ADARB2: variants seen among roughly 807,000 people sequenced by gnomAD.
ADARB2 encodes adenosine deaminase RNA specific B2 (inactive).
In ADARB2, 25 loss-of-function variants were observed where a neutral mutation model predicts 62.2. The observed-to-expected ratio is 0.40, with a 90% CI of 0.29 to 0.56. ADARB2 has a LOEUF of 0.56. Among genes scored for constraint, ADARB2 ranks in the 20% least tolerant of loss-of-function variants. The pLI, the probability that ADARB2 is intolerant of heterozygous loss-of-function variation, is 0.43. For synonymous variants in ADARB2, 572 were observed against 500.8 expected, an observed-to-expected ratio of 1.14 and a Z score of -1.90; for missense variants, 1,071 against 1,077.4, an observed-to-expected ratio of 0.99 and a Z score of 0.08.
chr10:1,503,091 G>C (rs1831785467), intron 1 of ADARB2, among the ~76,000 whole-genome samples: 1 of 152,196 alleles, frequency 6.6e-6, no homozygotes, highest in African/African-American at 2.4e-5. Flanking sequence ...AAAGAATACA[G>C]CAGCTATCTC....
chr10:1,191,988 G>A (rs1048827745), intron 8 of ADARB2, among the ~76,000 whole-genome samples: 9 of 152,104 alleles, frequency 5.9e-5, no homozygotes, highest in Non-Finnish European at 1.3e-4. Flanking sequence ...CCATTACTAG[G>A]ACCGGTGGGG....
At chr10:1,370,635 T>A (rs1205775364) in intron 2 of ADARB2, among the ~76,000 whole-genome samples, 1 of 152,198 alleles carries the variant, frequency 6.6e-6, no homozygotes, top group Non-Finnish European at 1.5e-5. Flanking sequence ...GTATAAAAAT[T>A]AGTAGCATTT....
chr10:1,247,350 A>G (rs940947346), intron 4 of ADARB2, among the ~76,000 whole-genome samples: 6 of 152,222 alleles, frequency 3.9e-5, no homozygotes, highest in Non-Finnish European at 7.3e-5. Flanking sequence ...GCCCTGGCCA[A>G]AACTTCCAAC....
chr10:1,345,050 G>A (rs1832066049), intron 3 of ADARB2, among the ~76,000 whole-genome samples: 1 of 152,092 alleles, frequency 6.6e-6, no homozygotes, highest in Non-Finnish European at 1.5e-5. Context: ...GCCGCAGCCT[G>A]GCAGGTGAGC....
Position 1,615,062 on chromosome 10 carries a change from A to G in ADARB2, c.100+121989T>C, listed in dbSNP as rs1363357014. 3.3e-5 allele frequency among the ~76,000 whole-genome samples: 5 copies of G among 152,262 alleles called. No homozygotes were observed. The East Asian group carries it at 9.6e-4, about 29-fold the overall frequency. ...TGAGAAGTGTATGTGTTGGATTGGT[A>G]AAAAACAGCAAACAAAGTTACTTCT... On this transcript the variant is annotated intron_variant, in intron 1 of 9. Transcript: ENST00000381312.
chr10:1,407,750 C>T (rs986896938), intron 1 of ADARB2, among the ~76,000 whole-genome samples: 9 of 152,150 alleles, frequency 5.9e-5, no homozygotes, highest in Non-Finnish European at 1.5e-5. Flanking sequence ...GTGCCCTCCC[C>T]CACCTCCAGG....
intron 1 of ADARB2, among the ~76,000 whole-genome samples, chr10:1,508,036 C>A (rs778843871): frequency 6.6e-5 from 10 of 152,204 alleles, no homozygotes; most frequent in African/African-American, 4.8e-5. Flanking sequence ...CCTCACCTTT[C>A]TAAATCTCAC....
chr10:1,385,143 A>G (rs780656546), intron 1 of ADARB2, among the ~76,000 whole-genome samples: 4 of 152,222 alleles, frequency 2.6e-5, no homozygotes, highest in Non-Finnish European at 5.9e-5. Context: ...CTTGGTCAGT[A>G]ATAATCTACC....
At chr10:1,511,254 C>T (rs1831933052) in intron 1 of ADARB2, among the ~76,000 whole-genome samples, 1 of 152,176 alleles carries the variant, frequency 6.6e-6, no homozygotes, top group South Asian at 2.1e-4. Context: ...GTGCTATGTT[C>T]AACGGATAGA....
chr10:1,396,619 C>T (rs1832616587), intron 1 of ADARB2, among the ~76,000 whole-genome samples: 2 of 151,264 alleles, frequency 1.3e-5, no homozygotes, highest in African/African-American at 4.9e-5. Context: ...TCCTCCTCTC[C>T]CCTCCCGAGT....
intron 3 of ADARB2, among the ~76,000 whole-genome samples, chr10:1,331,528 T>C (rs1831927623): frequency 6.6e-6 from 1 of 152,190 alleles, no homozygotes; most frequent in African/African-American, 2.4e-5. Context: ...TTACCTGAAA[T>C]GTCCAGAATA....
At chr10:1,594,363 G>A (rs1004653425) in intron 1 of ADARB2, among the ~76,000 whole-genome samples, 2 of 152,132 alleles carry the variant, frequency 1.3e-5, no homozygotes, top group Admixed American at 6.5e-5. Flanking sequence ...CTCCCGGGGC[G>A]AGGTAGCATG....
At chr10:1,546,621 G>C (rs886256578) in intron 1 of ADARB2, among the ~76,000 whole-genome samples, 1 of 152,252 alleles carries the variant, frequency 6.6e-6, no homozygotes, top group Non-Finnish European at 1.5e-5. Context: ...GTGCCACCCT[G>C]TACCAGGCAT....
At chr10:1,499,139 T>A (rs1422147747) in intron 1 of ADARB2, among the ~76,000 whole-genome samples, 2 of 151,996 alleles carry the variant, frequency 1.3e-5, no homozygotes, top group Admixed American at 1.3e-4. Context: ...CACTCATCAC[T>A]CACTCATTAC....
intron 1 of ADARB2, among the ~76,000 whole-genome samples, chr10:1,720,951 A>G (rs1454369429): frequency 6.6e-6 from 1 of 152,220 alleles, no homozygotes; most frequent in East Asian, 1.9e-4. Context: ...TCCCTGCACA[A>G]AGCCGCTTTG....
intron 1 of ADARB2, among the ~76,000 whole-genome samples, chr10:1,689,702 C>G (rs1834644587): frequency 6.6e-6 from 1 of 152,178 alleles, no homozygotes; most frequent in African/African-American, 2.4e-5. Flanking sequence ...CTTTTGCTCT[C>G]AAGAAATACT....
intron 1 of ADARB2, among the ~76,000 whole-genome samples, chr10:1,457,144 G>T (rs1433437988): frequency 6.6e-6 from 1 of 152,172 alleles, no homozygotes; most frequent in Non-Finnish European, 1.5e-5. Flanking sequence ...CATTTTGCCT[G>T]AACAAAATAA....
rs991172655 is a variant in ADARB2, at chr10:1,465,431, C to G, written c.101-86271G>C. Among the ~76,000 whole-genome samples, 22 of 152,210 alleles carry G rather than the reference C, an allele frequency of 1.4e-4. 1 individual carries two copies. The highest frequency in any genetic ancestry group is 8.5e-4 in the Admixed American group (13 of 15,280). The stretch of plus-strand genomic sequence containing the variant: ...AGGGCTTCTCTTAGTTGGAAAACAT[C>G]GAAGGAGTGCTTGCAGCTGCCTGCC... On this transcript the variant is annotated intron_variant, in intron 1 of 9. Transcript: ENST00000381312.
rs537773333 is a variant in ADARB2, at chr10:1,553,447, TG to T, written c.101-174288del. ...CGACCTCTCACTAAAACGTTTGGCC[TG>T]CTCCCAGGAAGAGGCTTCCATGGAA... is the stretch of plus-strand genomic sequence containing the variant. On this transcript the variant is annotated intron_variant, in intron 1 of 9. Coordinates refer to ENST00000381312, the MANE Select transcript of ADARB2 (RefSeq NM_018702.4). 7.9e-5 allele frequency among the ~76,000 whole-genome samples: 12 copies of T among 152,286 alleles called. No homozygotes were observed. In the East Asian group the frequency reaches 2.3e-3, roughly 29 times the overall value.
Sources: gnomAD v4.1 joint callset for allele counts (sites outside exome capture counted in the v4.1 genomes callset) on GRCh38, gnomAD v4.1.1 for gene constraint, MANE v1.5 for transcripts, NCBI Gene and HGNC (gene_info 2026-07-23, HGNC 2026-07-21) for gene names.